The following L2HGDH variants were observed in gnomAD, a reference collection of about 807,000 sequenced individuals.
L2HGDH encodes the protein L-2-hydroxyglutarate dehydrogenase, mitochondrial.
L2HGDH carries 34 observed loss-of-function variants against 51.5 expected under a neutral mutation model. The ratio of observed to expected loss-of-function variants is 0.66; its 90% CI spans 0.50 to 0.88. The LOEUF (loss-of-function observed/expected upper bound fraction) is 0.88. Among genes scored for constraint, L2HGDH ranks in the 40% least tolerant of loss-of-function variants. L2HGDH has a pLI of 0.00. For synonymous variants in L2HGDH, 198 were observed against 197.9 expected, an observed-to-expected ratio of 1.00 and a Z score of -0.01; for missense variants, 558 against 571.9, an observed-to-expected ratio of 0.98 and a Z score of 0.25.
chr14:50,297,897 T>A lies in L2HGDH; in HGVS notation c.409-3651A>T, dbSNP rs116692642. Among the ~76,000 whole-genome samples, 245 of 151,848 alleles carry A rather than the reference T, an allele frequency of 1.6e-3. 1 individual carries two copies. Among genetic ancestry groups the A allele is most frequent in the African/African-American group, 5.7e-3 (236 of 41,376 alleles). On this transcript the variant is annotated intron_variant, in intron 3 of 9. Coordinates refer to ENST00000267436, the MANE Select transcript of L2HGDH (RefSeq NM_024884.3). ...CACTTGAGCACTTGAGCCCAGGAGTTTGAGACCAACTTGAGCAACGGAGGG... is the reference window on the plus strand; with the variant it reads ...CACTTGAGCACTTGAGCCCAGGAGTATGAGACCAACTTGAGCAACGGAGGG...
At position 50,283,883 on chromosome 14, in the gene L2HGDH, T is replaced by C; in HGVS notation, c.691A>G (p.Arg231Gly). 1.2e-6 allele frequency: 2 copies of C among 1,614,046 alleles called. No individual in the cohort carries two copies. Among genetic ancestry groups the C allele is most frequent in the African/African-American group, 1.3e-5 (1 of 75,040 alleles). ...AAGGATGGCTTACCATCTATACTTCTTGAAGGACTTTCTTTAGCCATTTCA... is the reference window on the plus strand; with the variant it reads ...AAGGATGGCTTACCATCTATACTTCCTGAAGGACTTTCTTTAGCCATTTCA... ...GIEMAKESPS[R>G]SIDGMQYPIV... The change falls in exon 5 of 10, where the codon AGA (arginine) becomes GGA (glycine). Residue 231 changes from arginine (R) to glycine (G), a missense_variant. Physicochemically the swap from Arg to Gly is moderately radical, Grantham distance 125 (BLOSUM62 -2). Around this residue, in one of 3 missense-constraint regions of L2HGDH, gnomAD observed 321 missense variants for 311.8 expected, o/e 1.03. Transcript: ENST00000267436.
rs1887851645 is a variant in L2HGDH at position 50,242,679 on chromosome 14, C to T, written c.*4379G>A. 1 of 985,458 alleles carries T rather than the reference C, an allele frequency of 1.0e-6. No individual in the cohort carries two copies. The highest frequency in any genetic ancestry group is 1.2e-6 in the Non-Finnish European group (1 of 829,948). The allele number at this position is 985,458 out of a possible 1,614,324, so 61.0% of individuals were successfully genotyped here. A position where few individuals can be genotyped will look rare whatever the true frequency, so the allele number is the denominator to read the frequency against. On this transcript the variant is annotated 3_prime_UTR_variant, in exon 10 of 10. Transcript: ENST00000267436. ...GCAGCTTTTGCTTTCCCAACCATTT[C>T]ACCCTGTCCTTCTACCTTAAGCCCT...
At chr14:50,265,743 G>C (rs1351397211) in intron 8 of L2HGDH, among the ~76,000 whole-genome samples, 1 of 152,048 alleles carries the variant, frequency 6.6e-6, no homozygotes, top group Admixed American at 6.6e-5. Flanking sequence ...GCAAAACACT[G>C]TCTCTACCAA....
chr14:50,249,385 GA>G (rs1422370991), intron 9 of L2HGDH, among the ~76,000 whole-genome samples: 8 of 152,186 alleles, frequency 5.3e-5, no homozygotes, highest in African/African-American at 1.7e-4. Context: ...AGCTGCAATA[GA>G]AGTGACTCCT....
intron 9 of L2HGDH, among the ~76,000 whole-genome samples, chr14:50,247,768 A>T (rs545475243): frequency 1.3e-5 from 2 of 152,336 alleles, no homozygotes; most frequent in East Asian, 3.9e-4. Flanking sequence ...TGCAAATGGC[A>T]ACAAGTTCTT....
chr14:50,281,946 T>G (rs911651672), intron 5 of L2HGDH, among the ~76,000 whole-genome samples: 2 of 152,210 alleles, frequency 1.3e-5, no homozygotes, highest in African/African-American at 4.8e-5. Flanking sequence ...GTTCAAGCTA[T>G]TCTCCTGCCT....
intron 9 of L2HGDH, among the ~76,000 whole-genome samples, chr14:50,259,599 C>T (rs1444727147): frequency 2.0e-5 from 3 of 151,632 alleles, no homozygotes; most frequent in Admixed American, 1.3e-4. Context: ...GAGGCCAAGG[C>T]GGGTAGATCA....
In L2HGDH at chr14:50,306,197, C is replaced by T. The variant is rs764544897; in HGVS notation, c.141-3180G>A. Reference sequence around the variant, plus strand: ...TCCCAAGTAGCTGGGACTACAGGTGCGCGCCACCATGCCCAGCTAATTTTT... The same window carrying T: ...TCCCAAGTAGCTGGGACTACAGGTGTGCGCCACCATGCCCAGCTAATTTTT... On this transcript the variant is annotated intron_variant, in intron 1 of 9. Coordinates refer to ENST00000267436, the MANE Select transcript of L2HGDH (RefSeq NM_024884.3). Among the ~76,000 whole-genome samples, 11 of 151,748 alleles carry T rather than the reference C, an allele frequency of 7.2e-5. No individual in the cohort carries two copies. The South Asian group carries it at 1.0e-3, about 14-fold the overall frequency.
chr14:50,306,637 ATGT>A (rs1239247108), intron 1 of L2HGDH, among the ~76,000 whole-genome samples: 1 of 145,010 alleles, frequency 6.9e-6, no homozygotes, highest in East Asian at 2.0e-4. Flanking sequence ...TAGTGATTAA[ATGT>A]TGATGTTCTA....
At chr14:50,300,663 TA>T (rs1285685106) in intron 3 of L2HGDH, among the ~76,000 whole-genome samples, 1 of 151,980 alleles carries the variant, frequency 6.6e-6, no homozygotes, top group African/African-American at 2.4e-5. Flanking sequence ...TTTTGTCAAT[TA>T]AAAAATAATT....
chr14:50,312,186 G>C lies in L2HGDH; in HGVS notation c.-36C>G, dbSNP rs1318686105. The C allele has an allele frequency of 7.5e-6, 12 of 1,605,546 alleles. No homozygotes were observed. The highest frequency in any genetic ancestry group is 1.3e-5 in the African/African-American group (1 of 74,874). Reference sequence around the variant, plus strand: ...CGCTCCCCTCCCTCAGCGCTCAGAAGAAGCCACTTGACCCTCCACGGCCGA... The same window carrying C: ...CGCTCCCCTCCCTCAGCGCTCAGAACAAGCCACTTGACCCTCCACGGCCGA... On this transcript the variant is annotated 5_prime_UTR_variant, in exon 1 of 10. Coordinates refer to ENST00000267436, the MANE Select transcript of L2HGDH (RefSeq NM_024884.3).
chr14:50,271,773 T>C (rs555909325), intron 6 of L2HGDH, among the ~76,000 whole-genome samples: 1 of 152,238 alleles, frequency 6.6e-6, no homozygotes, highest in African/African-American at 2.4e-5. Flanking sequence ...CTTTCATAAG[T>C]GAAGCAGATT....
At chr14:50,302,689 A>T (rs1313033936) in intron 2 of L2HGDH, among the ~76,000 whole-genome samples, 2 of 151,964 alleles carry the variant, frequency 1.3e-5, no homozygotes, top group African/African-American at 2.4e-5. Flanking sequence ...TCCTGAGATA[A>T]CCTCTCAAAT....
chr14:50,269,610 CACAAATACATACAT>C (rs1370798028), intron 6 of L2HGDH, among the ~76,000 whole-genome samples: 1 of 152,110 alleles, frequency 6.6e-6, no homozygotes, highest in Non-Finnish European at 1.5e-5. Context: ...CATGCATGCA[CACAAATACATACAT>C]ACAAATACAT....
At chr14:50,274,270 G>A (rs1229221383) in intron 6 of L2HGDH, among the ~76,000 whole-genome samples, 29 of 130,300 alleles carry the variant, frequency 2.2e-4, no homozygotes, top group Admixed American at 1.1e-3. Flanking sequence ...CAGAGACCCT[G>A]TCTCAAAAAA....
Position 50,244,484 on chromosome 14 carries a change from T to G in L2HGDH, c.*2574A>C, listed in dbSNP as rs1887918062. On this transcript the variant is annotated 3_prime_UTR_variant, in exon 10 of 10. Coordinates refer to ENST00000267436, the MANE Select transcript of L2HGDH (RefSeq NM_024884.3). ...CTGACAAAATACAGAATGATAATATTTTCCATCTCTTAGTAATCTTGTAAT... is the reference window on the plus strand; with the variant it reads ...CTGACAAAATACAGAATGATAATATGTTCCATCTCTTAGTAATCTTGTAAT... 1.0e-6 allele frequency: 1 copy of G among 985,296 alleles called. No individual in the cohort carries two copies. Among genetic ancestry groups the G allele is most frequent in the African/African-American group, 1.7e-5 (1 of 57,252 alleles). The allele number at this position is 985,296 out of a possible 1,614,324, so 61.0% of individuals were successfully genotyped here.
chr14:50,243,104 T>C lies in L2HGDH; in HGVS notation c.*3954A>G. Reference sequence around the variant, plus strand: ...GATTTCCAAATGGCCTCAGGGAAAGTGGAATTCTGCCAACAGTAAAGGCAA... The same window carrying C: ...GATTTCCAAATGGCCTCAGGGAAAGCGGAATTCTGCCAACAGTAAAGGCAA... On this transcript the variant is annotated 3_prime_UTR_variant, in exon 10 of 10. Coordinates refer to ENST00000267436, the MANE Select transcript of L2HGDH (RefSeq NM_024884.3). 1.0e-6 allele frequency: 1 copy of C among 985,446 alleles called. No homozygotes were observed. The allele number at this position is 985,446 out of a possible 1,614,324, so 61.0% of individuals were successfully genotyped here.
At chr14:50,305,086 A>T (rs1339958605) in intron 1 of L2HGDH, among the ~76,000 whole-genome samples, 1 of 152,232 alleles carries the variant, frequency 6.6e-6, no homozygotes, top group Non-Finnish European at 1.5e-5. Flanking sequence ...AACCAGAAAC[A>T]GATCCTAGAC....
chr14:50,295,747 T>A (rs1324686148), intron 3 of L2HGDH, among the ~76,000 whole-genome samples: 1 of 130,878 alleles, frequency 7.6e-6, no homozygotes, highest in African/African-American at 3.3e-5. Flanking sequence ...CATAGCATCT[T>A]TTTTTTTTTT....
Sources: allele counts gnomAD v4.1 joint callset (sites outside exome capture counted in the v4.1 genomes callset), GRCh38; gene constraint gnomAD v4.1.1; regional missense constraint gnomAD v4.1.1; transcripts MANE v1.5; gene names NCBI Gene and HGNC (gene_info 2026-07-23, HGNC 2026-07-21).